The following GSE1 variants were observed in gnomAD, a reference collection of about 807,000 sequenced individuals.
GSE1 encodes the protein genetic suppressor element 1.
GSE1 carries 32 observed loss-of-function variants against 112.6 expected under a neutral mutation model. The observed-to-expected ratio is 0.28, with a 90% CI of 0.21 to 0.38. The LOEUF (loss-of-function observed/expected upper bound fraction) is 0.38, where lower values mean the gene tolerates loss of function less well. GSE1 is among the 10% of genes least tolerant of loss of function. GSE1 has a pLI of 1.00. For missense variants in GSE1, 2,348 were observed against 1,699.2 expected (o/e 1.38, Z -6.71); for synonymous variants, 1,115 against 735.6 (o/e 1.52, Z -8.35).
rs750219239 is a variant in GSE1, at chr16:85,656,368, C to G, written c.1015C>G (p.Arg339Gly). The G allele has an allele frequency of 6.2e-7, 1 of 1,604,768 alleles. No homozygotes were observed. The highest frequency in any genetic ancestry group is 8.5e-7 in the Non-Finnish European group (1 of 1,175,932). Residue 339 changes from arginine (R) to glycine (G), a missense_variant, in exon 7 of 16, where the codon CGG (arginine) becomes GGG (glycine). Arg to Gly is a moderately radical substitution (Grantham distance 125). Transcript: ENST00000253458. ...ERLQMDEELR[R>G]ERERERERER... ...GCTGCAGATGGACGAGGAGCTAAGG[C>G]GGGAGAGGGAGCGCGAGCGCGAGCG...
chr16:85,325,754 C>T (rs2046214081), intron 1 of GSE1, among the ~76,000 whole-genome samples: 3 of 131,754 alleles, frequency 2.3e-5, no homozygotes, highest in South Asian at 4.7e-4. Context: ...ACCCGGCCTT[C>T]AGTCAATTTT....
chr16:85,241,904 C>T (rs1043161755), intron 1 of GSE1, among the ~76,000 whole-genome samples: 7 of 152,084 alleles, frequency 4.6e-5, no homozygotes, highest in Admixed American at 2.6e-4. Context: ...GGCATCCTGT[C>T]CTCCCTTCAT....
chr16:85,316,907 A>T (rs1222216005), intron 1 of GSE1, among the ~76,000 whole-genome samples: 1 of 152,088 alleles, frequency 6.6e-6, no homozygotes, highest in Admixed American at 6.5e-5. Flanking sequence ...GGAAAAACTG[A>T]GTGGGCCACA....
intron 2 of GSE1, among the ~76,000 whole-genome samples, chr16:85,640,617 A>G (rs1016517619): frequency 6.6e-6 from 1 of 152,198 alleles, no homozygotes; most frequent in African/African-American, 2.4e-5. Flanking sequence ...ACCACGGAGC[A>G]GGGACCACAG....
rs143714524 is a variant in GSE1 at position 85,190,443 on chromosome 16, T to G, written c.2283+18636T>G. ...TCCACCATTTAAAGTATTTGTGACC[T>G]TCTGTGCTTTTGCTACAAAGTATGG... On this transcript the variant is annotated intron_variant, in intron 1 of 2. Transcript: ENST00000637419. 1.6e-3 allele frequency among the ~76,000 whole-genome samples: 246 copies of G among 152,386 alleles called. 1 individual carries two copies. Among genetic ancestry groups the G allele is most frequent in the African/African-American group, 5.7e-3 (238 of 41,586 alleles).
In GSE1 at chr16:85,435,710, A is replaced by AGAAATTCCCTTTCCT. The variant is rs1555511457; in HGVS notation, c.2464+78077_2464+78078insTTCCTGAAATTCCCT. 6.8e-3 allele frequency among the ~76,000 whole-genome samples: 1,030 copies of AGAAATTCCCTTTCCT among 151,418 alleles called. 6 individuals carry two copies. The highest frequency in any genetic ancestry group is 0.024 in the African/African-American group (977 of 41,234). On this transcript the variant is annotated intron_variant, in intron 2 of 2. Coordinates refer to the GSE1 transcript ENST00000637419. Reference sequence around the variant, plus strand: ...TGAGGATGGCCTGGGAATGGGCAGCAGAAATTCCCTCTCCTGACGTCTCCA... The same window carrying AGAAATTCCCTTTCCT: ...TGAGGATGGCCTGGGAATGGGCAGCAGAAATTCCCTTTCCTGAAATTCCCTCTCCTGACGTCTCCA...
chr16:85,394,980 G>A (rs1257518740), intron 2 of GSE1, among the ~76,000 whole-genome samples: 1 of 152,186 alleles, frequency 6.6e-6, no homozygotes, highest in Non-Finnish European at 1.5e-5. Context: ...TGGCAATTGA[G>A]TCGGGCCTTG....
chr16:85,627,698 G>A (rs1006310528), intron 1 of GSE1, among the ~76,000 whole-genome samples: 5 of 148,052 alleles, frequency 3.4e-5, no homozygotes, highest in African/African-American at 1.3e-4. Context: ...GCCCTCATCC[G>A]TCACAGGCCT....
chr16:85,555,113 C>G (rs1030874407), upstream of GSE1: 25 of 985,030 alleles, frequency 2.5e-5, no homozygotes, highest in Non-Finnish European at 3.0e-5. Flanking sequence ...GAGCCGCCGC[C>G]GCCGCCGCCT....
chr16:85,520,184 G>A (rs894918651), intron 2 of GSE1, among the ~76,000 whole-genome samples: 1 of 152,140 alleles, frequency 6.6e-6, no homozygotes, highest in African/African-American at 2.4e-5. Flanking sequence ...TTCCTGGATG[G>A]TGCCCTCTCG....
chr16:85,553,320 G>C (rs1362057308), upstream of GSE1, among the ~76,000 whole-genome samples: 1 of 150,670 alleles, frequency 6.6e-6, no homozygotes, highest in African/African-American at 2.4e-5. Context: ...CTGCCGGCGG[G>C]TGCAAGGGGA....
At chr16:85,522,478 C>T (rs944078577) in intron 2 of GSE1, among the ~76,000 whole-genome samples, 1 of 151,764 alleles carries the variant, frequency 6.6e-6, no homozygotes, top group Non-Finnish European at 1.5e-5. Context: ...ATCCAACCGA[C>T]TCACCCCCGC....
intron 1 of GSE1, among the ~76,000 whole-genome samples, chr16:85,625,414 G>A (rs898230658): frequency 6.6e-6 from 1 of 152,190 alleles, no homozygotes; most frequent in African/African-American, 2.4e-5. Flanking sequence ...TGCAACCTCA[G>A]CATCCAGCGC....
At chr16:85,295,074 C>A (rs1206646755) in intron 1 of GSE1, among the ~76,000 whole-genome samples, 1 of 152,068 alleles carries the variant, frequency 6.6e-6, no homozygotes, top group South Asian at 2.1e-4. Context: ...AGCACCACCT[C>A]CTAATACCAT....
chr16:85,222,133 C>T (rs2075404844), intron 1 of GSE1, among the ~76,000 whole-genome samples: 1 of 152,174 alleles, frequency 6.6e-6, no homozygotes, highest in African/African-American at 2.4e-5. Flanking sequence ...AGGATGGATG[C>T]TGGCACCCAC....
Position 85,656,653 on chromosome 16 carries a change from C to G in GSE1, c.1300C>G (p.Pro434Ala), listed in dbSNP as rs1350158419. The change falls in exon 7 of 16, where the codon CCA (proline) becomes GCA (alanine). Residue 434 changes from proline (P) to alanine (A), a missense_variant. By Grantham distance (27) the Pro-to-Ala change is conservative. Coordinates refer to ENST00000253458, the MANE Select transcript of GSE1 (RefSeq NM_014615.5). ...ERGKPSEQLT[P>A]TRAEKLKDAG... is the part of the protein sequence containing the mutation. Reference sequence around the variant, plus strand: ...GGGCAAGCCCTCGGAGCAGCTGACCCCAACCCGAGCAGGTACCTGGGCGTG... The same window carrying G: ...GGGCAAGCCCTCGGAGCAGCTGACCGCAACCCGAGCAGGTACCTGGGCGTG... 2.6e-6 allele frequency: 4 copies of G among 1,519,846 alleles called. No individual in the cohort carries two copies. Among genetic ancestry groups the G allele is most frequent in the Non-Finnish European group, 3.5e-6 (4 of 1,132,134 alleles). The allele number at this position is 1,519,846 out of a possible 1,614,324, so 94.1% of individuals were successfully genotyped here.
intron 1 of GSE1, among the ~76,000 whole-genome samples, chr16:85,261,785 C>T (rs1161024198): frequency 6.6e-6 from 1 of 152,210 alleles, no homozygotes; most frequent in South Asian, 2.1e-4. Context: ...CGTCCCCAGT[C>T]TACAGACAAG....
intron 1 of GSE1, among the ~76,000 whole-genome samples, chr16:85,206,477 G>C (rs1052527231): frequency 3.3e-5 from 5 of 152,134 alleles, no homozygotes; most frequent in Admixed American, 2.6e-4. Context: ...GAGGCTTTTC[G>C]GGGTGGCTGA....
chr16:85,625,214 A>G (rs1244609766), intron 1 of GSE1, among the ~76,000 whole-genome samples: 1 of 152,004 alleles, frequency 6.6e-6, no homozygotes, highest in Non-Finnish European at 1.5e-5. Flanking sequence ...CCAGCCCTTC[A>G]TCTGCCCGGC....
Sources: gnomAD v4.1 joint callset for allele counts (sites outside exome capture counted in the v4.1 genomes callset) on GRCh38, gnomAD v4.1.1 for gene constraint, MANE v1.5 for transcripts, NCBI Gene and HGNC (gene_info 2026-07-23, HGNC 2026-07-21) for gene names.